The following NEXMIF variants were observed in gnomAD, a reference collection of about 807,000 sequenced individuals.
NEXMIF encodes the protein XLMR protein related to neurite extension.
Under a neutral mutation model 62.1 loss-of-function variants are expected in NEXMIF, and 8 were observed. The observed-to-expected ratio is 0.13, with a 90% CI of 0.08 to 0.23. NEXMIF has a LOEUF of 0.23. Among genes scored for constraint, NEXMIF ranks in the 10% least tolerant of loss-of-function variants. The probability of loss-of-function intolerance (pLI) is 1.00; values close to 1 mark genes in which losing one functional copy is unlikely to be tolerated. For synonymous variants in NEXMIF, 404 were observed against 416.6 expected (o/e 0.97, Z 0.37); for missense variants, 976 against 1,113.3 (o/e 0.88, Z 1.75).
At chrX:74,838,164 C>G (rs999576940) in intron 1 of NEXMIF, among the ~76,000 whole-genome samples, 1 of 111,089 alleles carries the variant, frequency 9.0e-6, no homozygotes, top group Non-Finnish European at 1.9e-5. Context: ...ATATTGAATC[C>G]AGAAAATCCT....
intron 1 of NEXMIF, among the ~76,000 whole-genome samples, chrX:74,829,218 T>C (rs778692051): frequency 1.8e-5 from 2 of 111,987 alleles, no homozygotes; most frequent in Non-Finnish European, 3.8e-5. Context: ...ATTATACTCT[T>C]AGTTATTTTT....
rs1602208866 is a variant in NEXMIF at position 74,734,804 on chromosome X, T to C, written c.*4601A>G. 2 of 112,277 alleles carry C rather than the reference T, an allele frequency of 1.8e-5. No individual in the cohort carries two copies. The highest frequency in any genetic ancestry group is 3.8e-5 in the Non-Finnish European group (2 of 53,213). 9.3% of individuals were successfully genotyped at this position (112,277 alleles called of 1,213,427 possible). A position where few individuals can be genotyped will look rare whatever the true frequency, so the allele number is the denominator to read the frequency against. ...CAATGGGAGCTCTGCTTCACGACTG[T>C]AGCTAGTGTTTAATGCTGAGTAAAA... On this transcript the variant is annotated 3_prime_UTR_variant, in exon 4 of 4. Coordinates refer to ENST00000055682, the MANE Select transcript of NEXMIF (RefSeq NM_001008537.3).
In NEXMIF at chrX:74,907,425, A is replaced by T. The variant is rs1304637963; in HGVS notation, c.-48+17458T>A. 2.9e-5 allele frequency among the ~76,000 whole-genome samples: 3 copies of T among 101,845 alleles called. No individual in the cohort carries two copies. The Admixed American group carries it at 3.4e-4, about 11-fold the overall frequency. The allele number at this position is 101,845 out of a possible 115,157, so 88.4% of individuals were successfully genotyped here. ...ATCATGGCCTGGGCCTGTAATCATC[A>T]CTCTGTACCTGATAGAGAGTGTAGT... On this transcript the variant is annotated intron_variant, in intron 1 of 3. Transcript: ENST00000055682.
intron 1 of NEXMIF, among the ~76,000 whole-genome samples, chrX:74,887,105 A>C (rs2080697608): frequency 8.9e-6 from 1 of 112,675 alleles, no homozygotes; most frequent in Non-Finnish European, 1.9e-5. Context: ...AGATGTAGAA[A>C]GCTGAAACTG....
intron 1 of NEXMIF, among the ~76,000 whole-genome samples, chrX:74,888,812 G>T (rs1294177949): frequency 8.9e-6 from 1 of 111,806 alleles, no homozygotes; most frequent in African/African-American, 3.2e-5. Context: ...TCACCTAGAC[G>T]AATAGTTCAT....
chrX:74,789,850 A>G (rs1323758552), intron 1 of NEXMIF, among the ~76,000 whole-genome samples: 1 of 107,206 alleles, frequency 9.3e-6, no homozygotes, highest in East Asian at 2.9e-4. Flanking sequence ...AATTTGTTTG[A>G]GTTCATTGTA....
rs951587811 is a variant in NEXMIF, at chrX:74,743,423, T to G, written c.1134A>C (p.Lys378Asn). The G allele has an allele frequency of 3.3e-6, 4 of 1,209,475 alleles. No individual in the cohort carries two copies. In the African/African-American group the frequency reaches 5.3e-5, roughly 16 times the overall value. ...DVSIIWGEED[K>N]NLDKKKGKEE... is the part of the protein sequence containing the mutation. ...CTTTGCCTTTCTTCTTGTCCAAGTTTTTATCTTCCTCCCCCCAGATGATGC... is the reference window on the plus strand; with the variant it reads ...CTTTGCCTTTCTTCTTGTCCAAGTTGTTATCTTCCTCCCCCCAGATGATGC... The change falls in exon 3 of 4, where the codon AAA becomes AAC. Residue 378 changes from lysine (K) to asparagine (N), a missense_variant. Physicochemically the swap from Lys to Asn is moderately conservative, Grantham distance 94. This residue lies in a region of NEXMIF where 639 missense variants were observed against 694.5 expected (regional missense o/e 0.92). Coordinates refer to ENST00000055682, the MANE Select transcript of NEXMIF (RefSeq NM_001008537.3).
At chrX:74,747,853 C>T (rs369340712) in intron 1 of NEXMIF, among the ~76,000 whole-genome samples, 1 of 111,781 alleles carries the variant, frequency 8.9e-6, no homozygotes, top group African/African-American at 3.2e-5. Flanking sequence ...TGATCTCAAG[C>T]GATCCAACTG....
At position 74,796,209 on chromosome X, in the gene NEXMIF, TTA is replaced by T. The variant is rs1393909984; in HGVS notation, c.-47-50514_-47-50513del. 6.4e-3 allele frequency among the ~76,000 whole-genome samples: 300 copies of T among 46,583 alleles called. 5 individuals carry two copies. The highest frequency in any genetic ancestry group is 0.021 in the East Asian group (49 of 2,292). The allele number at this position is 46,583 out of a possible 115,157, so 40.5% of individuals were successfully genotyped here. The stretch of plus-strand genomic sequence containing the variant: ...TATATATTATATATATACATATATA[TTA>T]TATATATATACATATATAATATATA... On this transcript the variant is annotated intron_variant, in intron 1 of 3. Transcript: ENST00000055682.
chrX:74,743,897 A>G lies in NEXMIF; in HGVS notation c.660T>C (p.Thr220=). 8.3e-7 allele frequency: 1 copy of G among 1,211,073 alleles called. No individual in the cohort carries two copies. Among genetic ancestry groups the G allele is most frequent in the Non-Finnish European group, 1.1e-6 (1 of 895,004 alleles). The part of the protein sequence containing the change: ...HKSRAGDRRE[T]EKPDIDLEDP... ...CCTCCAAGTCAATGTCAGGTTTCTC[A>G]GTTTCTCGTCTGTCTCCTGCCCTTG... Residue 220 remains threonine (T), a synonymous_variant, in exon 3 of 4, where the codon ACT becomes ACC. Transcript: ENST00000055682.
At chrX:74,907,063 C>A (rs1174669110) in intron 1 of NEXMIF, among the ~76,000 whole-genome samples, 2 of 111,806 alleles carry the variant, frequency 1.8e-5, no homozygotes, top group African/African-American at 6.5e-5. Context: ...CCCTGCCACA[C>A]CCAGGAGGCA....
rs779441513 is a variant in NEXMIF, at chrX:74,741,571, T to C, written c.2986A>G (p.Met996Val). 14 of 1,209,804 alleles carry C rather than the reference T, an allele frequency of 1.2e-5. No individual in the cohort carries two copies. Among genetic ancestry groups the C allele is most frequent in the Middle Eastern group, 2.3e-4 (1 of 4,376 alleles). ...DDGRLFSFDS[M>V]APLSVSSSNY... ...CTTGAGCTGACAGAGAGTGGGGCCATTGAATCAAAGCTAAAGAGCCGACCA... is the reference window on the plus strand; with the variant it reads ...CTTGAGCTGACAGAGAGTGGGGCCACTGAATCAAAGCTAAAGAGCCGACCA... Residue 996 changes from methionine to valine, a missense_variant, in exon 3 of 4, where the codon ATG (methionine) becomes GTG (valine). Physicochemically the swap from Met to Val is conservative, Grantham distance 21. Transcript: ENST00000055682.
chrX:74,822,403 A>G (rs1488314877), intron 1 of NEXMIF, among the ~76,000 whole-genome samples: 1 of 112,320 alleles, frequency 8.9e-6, no homozygotes, highest in African/African-American at 3.2e-5. Context: ...AATTATTTCC[A>G]AAAGTAAAAT....
At chrX:74,921,913 A>G (rs890630493) in intron 1 of NEXMIF, among the ~76,000 whole-genome samples, 1 of 111,747 alleles carries the variant, frequency 8.9e-6, no homozygotes, top group Non-Finnish European at 1.9e-5. Context: ...ATAATGTAAC[A>G]GTCGAATGCC....
In NEXMIF at chrX:74,758,475, G is replaced by C. The variant is rs779843762; in HGVS notation, c.-47-12778C>G. ...AAATTTGTTATATAGGTCATAACAT[G>C]GGGGTTTGTTGTACAGTTTATTTTG... On this transcript the variant is annotated intron_variant, in intron 1 of 3. Coordinates refer to ENST00000055682, the MANE Select transcript of NEXMIF (RefSeq NM_001008537.3). 3.2e-4 allele frequency among the ~76,000 whole-genome samples: 36 copies of C among 111,413 alleles called. No homozygotes were observed. In the East Asian group the frequency reaches 8.7e-3, roughly 27 times the overall value.
chrX:74,796,175 A>G (rs1404406317), intron 1 of NEXMIF, among the ~76,000 whole-genome samples: 30 of 72,227 alleles, frequency 4.2e-4, no homozygotes, highest in South Asian at 3.3e-3. Flanking sequence ...TATATATTAT[A>G]TATATACATA....
At chrX:74,808,029 T>C (rs2080350073) in intron 1 of NEXMIF, among the ~76,000 whole-genome samples, 1 of 112,102 alleles carries the variant, frequency 8.9e-6, no homozygotes, top group Non-Finnish European at 1.9e-5. Context: ...ATTGATATAA[T>C]CTTATGATTT....
chrX:74,908,885 G>C (rs1365636271), intron 1 of NEXMIF, among the ~76,000 whole-genome samples: 2 of 111,798 alleles, frequency 1.8e-5, no homozygotes, highest in African/African-American at 3.3e-5. Flanking sequence ...AGTTTCATGA[G>C]ATCCAATGGT....
Position 74,736,716 on chromosome X carries a change from T to G in NEXMIF, c.*2689A>C, listed in dbSNP as rs2080086056. ...ATAAACATCTTCTGCCTCGGCCTAT[T>G]GCTCATTTCTCAAACTCTGTTTCTT... On this transcript the variant is annotated 3_prime_UTR_variant, in exon 4 of 4. Transcript: ENST00000055682. 8.9e-6 allele frequency: 1 copy of G among 112,149 alleles called. No homozygotes were observed. The highest frequency in any genetic ancestry group is 1.9e-5 in the Non-Finnish European group (1 of 53,162). The allele number at this position is 112,149 out of a possible 1,213,427, so 9.2% of individuals were successfully genotyped here.
Sources: allele counts gnomAD v4.1 joint callset (sites outside exome capture counted in the v4.1 genomes callset), GRCh38; gene constraint gnomAD v4.1.1; regional missense constraint gnomAD v4.1.1; transcripts MANE v1.5; gene names NCBI Gene and HGNC (gene_info 2026-07-23, HGNC 2026-07-21).